Variants in LPAR1 observed in about 807,000 individuals in gnomAD.
LPAR1 encodes the protein lysophosphatidic acid receptor 1, also known as LPA receptor 1.
In LPAR1, 5 loss-of-function variants were observed where a neutral mutation model predicts 23.8. That is an observed-to-expected ratio of 0.21 (90% CI 0.11 to 0.44). LPAR1 has a LOEUF of 0.44. LPAR1 is among the 20% of genes least tolerant of loss of function. The pLI is 0.99. For missense variants in LPAR1, 311 were observed against 482.8 expected, an observed-to-expected ratio of 0.64 and a Z score of 3.33; for synonymous variants, 160 against 164.7, an observed-to-expected ratio of 0.97 and a Z score of 0.22.
At chr9:110,915,285 C>A (rs1362806026) in intron 5 of LPAR1, among the ~76,000 whole-genome samples, 2 of 152,038 alleles carry the variant, frequency 1.3e-5, no homozygotes, top group Non-Finnish European at 2.9e-5. Context: ...GCCTGTAATC[C>A]CAGCACTTTG....
intron 2 of LPAR1, among the ~76,000 whole-genome samples, chr9:111,030,320 C>T (rs2097773446): frequency 6.6e-6 from 1 of 152,142 alleles, no homozygotes; most frequent in Admixed American, 6.5e-5. Context: ...GACAATAATC[C>T]TTCTCCCCAC....
At chr9:111,027,367 G>A (rs1277131603) in intron 2 of LPAR1, among the ~76,000 whole-genome samples, 1 of 152,094 alleles carries the variant, frequency 6.6e-6, no homozygotes, top group Non-Finnish European at 1.5e-5. Flanking sequence ...CAAACATGGT[G>A]GCATGTGCTC....
At chr9:110,900,341 G>A (rs2088326130) in intron 5 of LPAR1, among the ~76,000 whole-genome samples, 1 of 152,090 alleles carries the variant, frequency 6.6e-6, no homozygotes, top group Non-Finnish European at 1.5e-5. Context: ...CTTTAACTTA[G>A]TCACATCTGA....
intron 2 of LPAR1, among the ~76,000 whole-genome samples, chr9:111,002,554 T>C (rs2097147260): frequency 6.6e-6 from 1 of 152,160 alleles, no homozygotes; most frequent in Non-Finnish European, 1.5e-5. Context: ...GAACTTATCA[T>C]TAAAGATAGA....
At chr9:110,923,941 T>C (rs186357245) in intron 5 of LPAR1, among the ~76,000 whole-genome samples, 3 of 152,368 alleles carry the variant, frequency 2.0e-5, no homozygotes, top group African/African-American at 7.2e-5. Flanking sequence ...TATATTTTTA[T>C]GTGGCCACAT....
intron 4 of LPAR1, among the ~76,000 whole-genome samples, chr9:110,957,397 A>G (rs2095800615): frequency 6.6e-6 from 1 of 152,040 alleles, no homozygotes; most frequent in Non-Finnish European, 1.5e-5. Context: ...CACCATGATC[A>G]AGTAGGATTT....
At chr9:110,965,189 A>G (rs999898055) in intron 4 of LPAR1, among the ~76,000 whole-genome samples, 27 of 151,978 alleles carry the variant, frequency 1.8e-4, no homozygotes, top group African/African-American at 6.5e-4. Flanking sequence ...TTATCAGAAC[A>G]CTGAATGAGA....
chr9:111,009,998 AATATATATATATATATATATATAT>A (rs55696642), intron 2 of LPAR1, among the ~76,000 whole-genome samples: 1,724 of 123,418 alleles, frequency 0.014, 81 homozygotes, highest in African/African-American at 0.048. Flanking sequence ...TAATTAGGAA[AATATATATATATATATATATATAT>A]ATATATATAT....
At position 110,952,707 on chromosome 9, in the gene LPAR1, G is replaced by A. The variant is rs1010300519; in HGVS notation, c.46-10539C>T. On this transcript the variant is annotated intron_variant, in intron 4 of 5. Transcript: ENST00000683809. ...GGTTGCTGCCACTGAAAGCAACCCC[G>A]CCCTCCCCAGCAGTAGGACCACAGC... Among the ~76,000 whole-genome samples, 21 of 151,952 alleles carry A rather than the reference G, an allele frequency of 1.4e-4. No individual in the cohort carries two copies. The East Asian group carries it at 1.7e-3, about 13-fold the overall frequency.
At chr9:110,927,715 C>T (rs1215643398) in intron 5 of LPAR1, among the ~76,000 whole-genome samples, 2 of 151,844 alleles carry the variant, frequency 1.3e-5, no homozygotes, top group Admixed American at 6.6e-5. Context: ...GAAAAGTAAA[C>T]GTGAGAGGAA....
At chr9:110,911,485 T>G (rs998049023) in intron 5 of LPAR1, among the ~76,000 whole-genome samples, 1 of 152,084 alleles carries the variant, frequency 6.6e-6, no homozygotes, top group African/African-American at 2.4e-5. Flanking sequence ...GAGGCTACAA[T>G]GCACCAAGAC....
At chr9:110,982,857 CACAT>C (rs913789334) in intron 2 of LPAR1, among the ~76,000 whole-genome samples, 34 of 127,146 alleles carry the variant, frequency 2.7e-4, no homozygotes, top group Non-Finnish European at 5.1e-4. Context: ...AATGTATATA[CACAT>C]ACACACACAC....
chr9:111,009,147 C>T (rs964730554), intron 2 of LPAR1, among the ~76,000 whole-genome samples: 1 of 152,028 alleles, frequency 6.6e-6, no homozygotes, highest in African/African-American at 2.4e-5. Context: ...AAATGACTTA[C>T]AACTTTTAAG....
At position 110,875,258 on chromosome 9, in the gene LPAR1, A is replaced by G; in HGVS notation, c.*163T>C. 1 of 568,778 alleles carries G rather than the reference A, an allele frequency of 1.8e-6. No individual in the cohort carries two copies. The highest frequency in any genetic ancestry group is 2.9e-5 in the East Asian group (1 of 35,084). The allele number at this position is 568,778 out of a possible 1,614,324, so 35.2% of individuals were successfully genotyped here. A position where few individuals can be genotyped will look rare whatever the true frequency, so the allele number is the denominator to read the frequency against. On this transcript the variant is annotated 3_prime_UTR_variant, in exon 6 of 6. Coordinates refer to ENST00000683809, the MANE Select transcript of LPAR1 (RefSeq NM_001351411.2). ...CATAAGCTAATTTTCAATATATATCAAGTCTTGTGGGGTCCAGGAACAAAT... is the reference window on the plus strand; with the variant it reads ...CATAAGCTAATTTTCAATATATATCGAGTCTTGTGGGGTCCAGGAACAAAT...
chr9:110,950,885 G>A (rs1021739640), intron 4 of LPAR1, among the ~76,000 whole-genome samples: 1 of 152,122 alleles, frequency 6.6e-6, no homozygotes, highest in Admixed American at 6.5e-5. Context: ...CAGACTCCCT[G>A]AACATTGATA....
intron 5 of LPAR1, among the ~76,000 whole-genome samples, chr9:110,937,698 C>T (rs998082780): frequency 6.6e-6 from 1 of 152,154 alleles, no homozygotes; most frequent in Admixed American, 6.5e-5. Context: ...ATTGGTATTG[C>T]CCATTATTAA....
At chr9:110,956,243 TG>T (rs1215071006) in intron 4 of LPAR1, among the ~76,000 whole-genome samples, 1 of 35,120 alleles carries the variant, frequency 2.8e-5, no homozygotes, top group Non-Finnish European at 5.7e-5. Flanking sequence ...GTCGGGGGGT[TG>T]GGGGGCTAGG....
intron 2 of LPAR1, among the ~76,000 whole-genome samples, chr9:110,993,520 A>T (rs1820139472): frequency 6.6e-6 from 1 of 152,144 alleles, no homozygotes; most frequent in Admixed American, 6.6e-5. Context: ...CCCCATGGGA[A>T]GGTAGCCCAG....
At chr9:111,014,678 T>C (rs2097403829) in intron 2 of LPAR1, among the ~76,000 whole-genome samples, 2 of 151,926 alleles carry the variant, frequency 1.3e-5, no homozygotes, top group African/African-American at 2.4e-5. Flanking sequence ...TAAGCCAAGG[T>C]TGGGTATTAC....
Sources: gnomAD v4.1 joint callset for allele counts (sites outside exome capture counted in the v4.1 genomes callset) on GRCh38, gnomAD v4.1.1 for gene constraint, MANE v1.5 for transcripts, NCBI Gene and HGNC (gene_info 2026-07-23, HGNC 2026-07-21) for gene names.